The following FRMD4A variants were observed in gnomAD, a reference collection of about 807,000 sequenced individuals.
FRMD4A encodes the protein FERM domain containing 4A, also known as FERM domain-containing protein 4A.
In FRMD4A, 29 loss-of-function variants were observed where a neutral mutation model predicts 129.1. That is an observed-to-expected ratio of 0.22 (90% CI 0.17 to 0.31). FRMD4A has a LOEUF of 0.31. Among genes scored for constraint, FRMD4A ranks in the 10% least tolerant of loss-of-function variants. The pLI is 1.00. For synonymous variants in FRMD4A, 634 were observed against 571.6 expected (o/e 1.11, Z -1.56); for missense variants, 1,272 against 1,375.8 (o/e 0.92, Z 1.19).
chr10:13,890,760 G>A lies in FRMD4A; in HGVS notation c.46-31848C>T, dbSNP rs558838524. 1.7e-4 allele frequency: 165 copies of A among 985,370 alleles called. No individual in the cohort carries two copies. In the African/African-American group the frequency reaches 2.8e-3, roughly 17 times the overall value. 61.0% of individuals were successfully genotyped at this position (985,370 alleles called of 1,614,324 possible). ...GGTCAGGGAGTCCTTTGCGGGCATT[G>A]GTTCTCGTTTCTCAGCAAGCTGCAC... On this transcript the variant is annotated intron_variant, in intron 2 of 24. Transcript: ENST00000357447.
chr10:14,007,119 T>C (rs915867024), intron 2 of FRMD4A: 1 of 152,212 alleles, frequency 6.6e-6, no homozygotes, highest in Non-Finnish European at 1.5e-5. Context: ...GTTCTGATCT[T>C]CTTTATAAGA....
chr10:14,209,045 C>A (rs1208715354), intron 2 of FRMD4A, among the ~76,000 whole-genome samples: 1 of 152,094 alleles, frequency 6.6e-6, no homozygotes, highest in African/African-American at 2.4e-5. Context: ...TGAATGGTTC[C>A]ATTTCCAAGG....
intron 16 of FRMD4A, among the ~76,000 whole-genome samples, chr10:13,672,646 C>T (rs7078193): frequency 0.1 from 15,567 of 152,068 alleles, 1,693 homozygotes; most frequent in African/African-American, 0.27. Context: ...ACGCTGAAGA[C>T]GTAATTTAAC....
chr10:13,818,317 C>G (rs12244909), intron 3 of FRMD4A, among the ~76,000 whole-genome samples: 40,499 of 151,700 alleles, frequency 0.27, 5,450 homozygotes, highest in Non-Finnish European at 0.27. Flanking sequence ...GTATGTACCA[C>G]CATGGCTGGC....
intron 8 of FRMD4A, among the ~76,000 whole-genome samples, chr10:13,752,146 G>A (rs1279512255): frequency 3.3e-5 from 5 of 152,156 alleles, no homozygotes; most frequent in Non-Finnish European, 7.3e-5. Context: ...AAACTCTCCG[G>A]CAGTTATTAA....
chr10:14,183,204 C>T (rs1841968174), intron 2 of FRMD4A, among the ~76,000 whole-genome samples: 1 of 152,176 alleles, frequency 6.6e-6, no homozygotes, highest in African/African-American at 2.4e-5. Flanking sequence ...GAATTTACAC[C>T]TCACTTTATT....
At chr10:14,268,635 C>T (rs530098257) in intron 2 of FRMD4A, among the ~76,000 whole-genome samples, 230 of 152,314 alleles carry the variant, frequency 1.5e-3, no homozygotes, top group African/African-American at 5.3e-3. Context: ...TTTGAGAAAG[C>T]CATTTTAAGC....
chr10:14,315,727 C>T (rs1846715612), intron 2 of FRMD4A, among the ~76,000 whole-genome samples: 1 of 152,200 alleles, frequency 6.6e-6, no homozygotes, highest in South Asian at 2.1e-4. Context: ...AGGTATCATG[C>T]AACCATATGA....
At chr10:13,980,502 G>A (rs2131402390) in intron 2 of FRMD4A, among the ~76,000 whole-genome samples, 1 of 152,274 alleles carries the variant, frequency 6.6e-6, no homozygotes, top group South Asian at 2.1e-4. Context: ...CACTGAGGCT[G>A]GAAGATCACT....
At chr10:13,832,444 C>T (rs952823685) in intron 3 of FRMD4A, among the ~76,000 whole-genome samples, 9 of 152,138 alleles carry the variant, frequency 5.9e-5, no homozygotes, top group Non-Finnish European at 1.0e-4. Context: ...TTCAGCCTTG[C>T]GAGCACATTA....
intron 2 of FRMD4A, among the ~76,000 whole-genome samples, chr10:14,213,145 G>A (rs1410527693): frequency 6.6e-6 from 1 of 152,152 alleles, no homozygotes. Context: ...TTAGGAGGCT[G>A]AGGCAGGAGG....
chr10:14,080,944 G>T (rs1248805029), intron 2 of FRMD4A, among the ~76,000 whole-genome samples: 1 of 151,872 alleles, frequency 6.6e-6, no homozygotes, highest in Non-Finnish European at 1.5e-5. Context: ...GGGCCTATGT[G>T]GCTCAGACGT....
At chr10:13,820,218 ATTTG>A (rs1254113630) in intron 3 of FRMD4A, among the ~76,000 whole-genome samples, 1 of 152,156 alleles carries the variant, frequency 6.6e-6, no homozygotes, top group Non-Finnish European at 1.5e-5. Flanking sequence ...GTTTGTGGTT[ATTTG>A]TTATGGCAGA....
At position 13,831,358 on chromosome 10, in the gene FRMD4A, G is replaced by C. The variant is rs527976179; in HGVS notation, c.112-20450C>G. On this transcript the variant is annotated intron_variant, in intron 3 of 24. Transcript: ENST00000357447. ...AGCACTTTGGGAAGTTGAGGCAGGAGGATTGCTTGAGCGTAGGAGTTTGAG... is the reference window on the plus strand; with the variant it reads ...AGCACTTTGGGAAGTTGAGGCAGGACGATTGCTTGAGCGTAGGAGTTTGAG... Among the ~76,000 whole-genome samples, 65 of 152,300 alleles carry C rather than the reference G, an allele frequency of 4.3e-4. 1 individual carries two copies. Among genetic ancestry groups the C allele is most frequent in the African/African-American group, 1.3e-3 (56 of 41,572 alleles).
intron 2 of FRMD4A, among the ~76,000 whole-genome samples, chr10:14,085,534 G>A (rs1371433340): frequency 2.0e-5 from 3 of 152,288 alleles, no homozygotes; most frequent in South Asian, 2.1e-4. Context: ...AGAAAGAGAC[G>A]GAACGGGTCT....
chr10:13,918,654 G>C (rs1288210103), intron 2 of FRMD4A, among the ~76,000 whole-genome samples: 1 of 151,904 alleles, frequency 6.6e-6, no homozygotes, highest in African/African-American at 2.4e-5. Context: ...TCAGCCTCCT[G>C]AGTAGCTGGG....
intron 2 of FRMD4A, among the ~76,000 whole-genome samples, chr10:13,949,716 T>A (rs2095359005): frequency 6.6e-6 from 1 of 152,196 alleles, no homozygotes; most frequent in South Asian, 2.1e-4. Flanking sequence ...ATTTTATAAA[T>A]CCTTATTTTA....
At chr10:13,962,567 G>A (rs1206488904) in intron 2 of FRMD4A, among the ~76,000 whole-genome samples, 5 of 152,038 alleles carry the variant, frequency 3.3e-5, no homozygotes, top group Non-Finnish European at 7.4e-5. Context: ...AGAGCAATTC[G>A]ATTCCTGATC....
At chr10:14,121,904 T>C (rs1838544961) in intron 2 of FRMD4A, among the ~76,000 whole-genome samples, 1 of 152,146 alleles carries the variant, frequency 6.6e-6, no homozygotes, top group African/African-American at 2.4e-5. Context: ...ATTGGTTAAA[T>C]GGAGAGGATG....
Sources: gnomAD v4.1 joint callset for allele counts (sites outside exome capture counted in the v4.1 genomes callset) on GRCh38, gnomAD v4.1.1 for gene constraint, MANE v1.5 for transcripts, NCBI Gene and HGNC (gene_info 2026-07-23, HGNC 2026-07-21) for gene names.